The following HMCN1 variants were observed in gnomAD, a reference collection of about 807,000 sequenced individuals.
HMCN1 encodes the protein hemicentin 1, also known as hemicentin-1.
Under a neutral mutation model 625.9 loss-of-function variants are expected in HMCN1, and 321 were observed. The observed-to-expected ratio is 0.51, with a 90% CI of 0.47 to 0.56. The LOEUF (loss-of-function observed/expected upper bound fraction) is 0.56, where lower values mean the gene tolerates loss of function less well. Among genes scored for constraint, HMCN1 ranks in the 20% least tolerant of loss-of-function variants. HMCN1 has a pLI of 0.00. For missense variants in HMCN1, 6,588 were observed against 6,887.3 expected, an observed-to-expected ratio of 0.96 and a Z score of 1.54; for synonymous variants, 2,425 against 2,417.6, an observed-to-expected ratio of 1.00 and a Z score of -0.09.
intron 1 of HMCN1, among the ~76,000 whole-genome samples, chr1:185,785,292 A>G (rs1178650203): frequency 6.6e-6 from 1 of 152,160 alleles, no homozygotes; most frequent in Non-Finnish European, 1.5e-5. Context: ...TCTCTTCCTG[A>G]CTTCTCTGGT....
chr1:186,045,873 T>C lies in HMCN1; in HGVS notation c.6480+10T>C. The C allele has an allele frequency of 6.3e-7, 1 of 1,583,470 alleles. No individual in the cohort carries two copies. Among genetic ancestry groups the C allele is most frequent in the Non-Finnish European group, 8.7e-7 (1 of 1,152,438 alleles). ...TAGAAGTGTGTTAAAGGTAAGGATA[T>C]GGATTCATTTATTTTACCTTATGTT... On this transcript the variant is annotated intron_variant, in intron 41 of 106. Transcript: ENST00000271588.
In HMCN1 at chr1:185,778,749, T is replaced by G. The variant is rs1351788767; in HGVS notation, c.268+43702T>G. 3.9e-5 allele frequency among the ~76,000 whole-genome samples: 6 copies of G among 152,284 alleles called. No individual in the cohort carries two copies. In the East Asian group the frequency reaches 9.7e-4, roughly 25 times the overall value. On this transcript the variant is annotated intron_variant, in intron 1 of 106. Coordinates refer to ENST00000271588, the MANE Select transcript of HMCN1 (RefSeq NM_031935.3). ...TTTTCTTAATCCAATCTATCATTGA[T>G]GGACATTTGGGTTGGTTCCAAGTCT...
intron 49 of HMCN1, among the ~76,000 whole-genome samples, chr1:186,066,229 T>C (rs1287031353): frequency 1.3e-5 from 2 of 152,180 alleles, no homozygotes; most frequent in Non-Finnish European, 2.9e-5. Context: ...ATAAATGTCA[T>C]AAGTGTATAA....
intron 1 of HMCN1, among the ~76,000 whole-genome samples, chr1:185,748,808 T>C (rs1654604394): frequency 6.6e-6 from 1 of 152,210 alleles, no homozygotes. Flanking sequence ...AAAATCCATG[T>C]AAAACATTTG....
At chr1:186,106,284 T>C (rs1339095655) in intron 69 of HMCN1, among the ~76,000 whole-genome samples, 1 of 152,196 alleles carries the variant, frequency 6.6e-6, no homozygotes, top group Non-Finnish European at 1.5e-5. Flanking sequence ...ACATTAACTT[T>C]CCATGGAAAC....
intron 15 of HMCN1, among the ~76,000 whole-genome samples, chr1:185,971,261 T>TA (rs1302722123): frequency 1.3e-5 from 2 of 152,128 alleles, no homozygotes; most frequent in Non-Finnish European, 1.5e-5. Context: ...TGCTTTTACT[T>TA]AAAAAAATTC....
Position 185,734,501 on chromosome 1 carries a change from C to T in HMCN1, c.-279C>T. 1 of 401,150 alleles carries T rather than the reference C, an allele frequency of 2.5e-6. No homozygotes were observed. The highest frequency in any genetic ancestry group is 4.5e-6 in the Non-Finnish European group (1 of 222,672). The allele number at this position is 401,150 out of a possible 1,614,324, so 24.8% of individuals were successfully genotyped here. ...GGGCATGGACCCGACGCGCCGCCCG[C>T]ACTCCGCCACAGGCTGTCCAGGGCC... On this transcript the variant is annotated 5_prime_UTR_variant, in exon 1 of 107. Transcript: ENST00000271588.
chr1:185,930,872 T>C (rs574915160), intron 10 of HMCN1, among the ~76,000 whole-genome samples: 1 of 151,208 alleles, frequency 6.6e-6, no homozygotes. Flanking sequence ...TTATCTGTAC[T>C]GAATTGTTTT....
chr1:185,944,178 TA>T (rs1668219896), intron 11 of HMCN1, among the ~76,000 whole-genome samples: 1 of 150,208 alleles, frequency 6.7e-6, no homozygotes, highest in Admixed American at 6.6e-5. Flanking sequence ...AAAAAGAAAA[TA>T]AATGAAGGGT....
chr1:186,019,168 G>C (rs1219393203), intron 34 of HMCN1, among the ~76,000 whole-genome samples: 1 of 152,018 alleles, frequency 6.6e-6, no homozygotes, highest in East Asian at 1.9e-4. Context: ...GCAGGGGGCA[G>C]AGTCATGCAG....
chr1:185,738,533 T>C (rs969116533), intron 1 of HMCN1, among the ~76,000 whole-genome samples: 1 of 152,240 alleles, frequency 6.6e-6, no homozygotes, highest in African/African-American at 2.4e-5. Flanking sequence ...CATTGTATGA[T>C]ATACCACATT....
chr1:186,124,967 A>T (rs1163725854), intron 81 of HMCN1, among the ~76,000 whole-genome samples: 1 of 152,056 alleles, frequency 6.6e-6, no homozygotes, highest in Non-Finnish European at 1.5e-5. Flanking sequence ...ATATTGCCCA[A>T]ATTCTAGTTA....
intron 1 of HMCN1, among the ~76,000 whole-genome samples, chr1:185,820,255 A>G (rs1162634775): frequency 6.6e-6 from 1 of 152,192 alleles, no homozygotes; most frequent in Non-Finnish European, 1.5e-5. Flanking sequence ...CAAATAGATT[A>G]GCCTTTTTCA....
chr1:186,179,271 T>TG (rs1652790167), intron 104 of HMCN1, among the ~76,000 whole-genome samples: 1 of 152,224 alleles, frequency 6.6e-6, no homozygotes, highest in Admixed American at 6.5e-5. Context: ...TTATTGTGTA[T>TG]GTTTGTACGT....
At chr1:186,045,641 G>A (rs376857725) in intron 40 of HMCN1, 47 bp from the exon 41 acceptor site, 6 of 1,398,612 alleles carry the variant, frequency 4.3e-6, no homozygotes, top group Non-Finnish European at 6.1e-6. Context: ...AATGTAAACA[G>A]TGTGCTGGCC....
chr1:185,888,071 T>A (rs1664788343), intron 4 of HMCN1, among the ~76,000 whole-genome samples: 1 of 138,898 alleles, frequency 7.2e-6, no homozygotes, highest in South Asian at 2.4e-4. Flanking sequence ...ATGATGAGCA[T>A]TTTTTCATGT....
At chr1:186,093,691 T>C in intron 66 of HMCN1, 22 bp downstream of exon 66, 1 of 1,612,778 alleles carries the variant, frequency 6.2e-7, no homozygotes, top group Non-Finnish European at 8.5e-7. Flanking sequence ...TTGTGTCTGA[T>C]TTCCTAAACA....
At chr1:186,081,112 T>C (rs985169806) in intron 55 of HMCN1, 95 bp from the exon 56 acceptor site, 1 of 1,028,146 alleles carries the variant, frequency 9.7e-7, no homozygotes, top group East Asian at 2.4e-5. Flanking sequence ...TGCTTCTCTA[T>C]TATTATCCCA....
At chr1:186,130,157 T>C in intron 84 of HMCN1, 57 bp downstream of exon 84, 1 of 1,606,472 alleles carries the variant, frequency 6.2e-7, no homozygotes, top group Non-Finnish European at 8.5e-7. Context: ...ATAGTTCAAG[T>C]TTTGCTTCTT....
Sources: gnomAD v4.1 joint callset for allele counts (sites outside exome capture counted in the v4.1 genomes callset) on GRCh38, gnomAD v4.1.1 for gene constraint, MANE v1.5 for transcripts, NCBI Gene and HGNC (gene_info 2026-07-23, HGNC 2026-07-21) for gene names.